CP: variants seen among roughly 807,000 people sequenced by gnomAD.
CP encodes the protein caeruloplasmin.
Under a neutral mutation model 122.4 loss-of-function variants are expected in CP, and 64 were observed. That is an observed-to-expected ratio of 0.52 (90% CI 0.43 to 0.64). The LOEUF is 0.64. Among genes scored for constraint, CP ranks in the 30% least tolerant of loss-of-function variants. The pLI, the probability that CP is intolerant of heterozygous loss-of-function variation, is 0.00. For missense variants in CP, 1,167 were observed against 1,284.4 expected (o/e 0.91, Z 1.40); for synonymous variants, 440 against 436.4 (o/e 1.01, Z -0.10).
intron 1 of CP, among the ~76,000 whole-genome samples, chr3:149,216,391 C>A (rs757780039): frequency 6.6e-6 from 1 of 152,142 alleles, no homozygotes; most frequent in Admixed American, 6.5e-5. Flanking sequence ...GGCTATGGGC[C>A]GAGAGCCTCT....
intron 14 of CP, among the ~76,000 whole-genome samples, chr3:149,181,297 G>A (rs1045965099): frequency 3.9e-5 from 6 of 152,062 alleles, no homozygotes; most frequent in Middle Eastern, 3.4e-3. Context: ...TCCTGTCTTC[G>A]GGGCCTAGAA....
intron 2 of CP, among the ~76,000 whole-genome samples, chr3:149,211,662 A>G (rs1408244981): frequency 6.6e-6 from 1 of 152,248 alleles, no homozygotes; most frequent in East Asian, 1.9e-4. Context: ...ACATGAGACT[A>G]CTTATGCCAC....
intron 1 of CP, among the ~76,000 whole-genome samples, chr3:149,213,886 T>C (rs1728280295): frequency 6.6e-6 from 1 of 152,152 alleles, no homozygotes; most frequent in Non-Finnish European, 1.5e-5. Flanking sequence ...AATTTAAAGA[T>C]GTGGTTTTTC....
rs773531557 is a variant in CP at position 149,199,719 on chromosome 3, C to T, written c.1494G>A (p.Gln498=). Reference sequence around the variant, plus strand: ...ACAGTGCTGTATACTCACTTCTGCTCTGGGGGTTGTAATTTGGGGAATAGT... The same window carrying T: ...ACAGTGCTGTATACTCACTTCTGCTTTGGGGGTTGTAATTTGGGGAATAGT... ...GTYYSPNYNP[Q]SRSVPPSASH... Residue 498 remains glutamine (Q), a synonymous_variant, in exon 8 of 19, where the codon CAG becomes CAA. Coordinates refer to ENST00000264613, the MANE Select transcript of CP (RefSeq NM_000096.4). 2 of 1,614,080 alleles carry T rather than the reference C, an allele frequency of 1.2e-6. No homozygotes were observed. Among genetic ancestry groups the T allele is most frequent in the East Asian group, 2.2e-5 (1 of 44,874 alleles).
intron 1 of CP, among the ~76,000 whole-genome samples, chr3:149,219,442 C>G (rs1017461538): frequency 1.2e-4 from 18 of 152,088 alleles, no homozygotes; most frequent in African/African-American, 4.3e-4. Context: ...ATGTGGTTTC[C>G]CCCATATTGT....
chr3:149,206,217 GA>G lies in CP; in HGVS notation c.1158del (p.Ser388LeufsTer3). 3.1e-6 allele frequency: 5 copies of G among 1,613,944 alleles called. No homozygotes were observed. Among genetic ancestry groups the G allele is most frequent in the Non-Finnish European group, 4.2e-6 (5 of 1,179,886 alleles). On this transcript the variant is annotated frameshift_variant, in exon 6 of 19. Coordinates refer to ENST00000264613, the MANE Select transcript of CP (RefSeq NM_000096.4). LOFTEE classifies it high-confidence loss of function. ...TTAGTGAAGATGTCTATACCAGAGG[GA>G]GCATAGTTCCAGATGATTTCCTCAG... ...IAAEEIIWNY[A>X]PSGIDIFTKE...
At chr3:149,186,199 G>A in intron 11 of CP, 1 of 392,454 alleles carries the variant, frequency 2.5e-6, no homozygotes, top group Non-Finnish European at 4.8e-6. Flanking sequence ...ATTTATGGGA[G>A]TCATTCCCCT....
Position 149,202,150 on chromosome 3 carries a change from T to C in CP, c.1300A>G (p.Thr434Ala). 1 of 1,614,156 alleles carries C rather than the reference T, an allele frequency of 6.2e-7. No individual in the cohort carries two copies. Residue 434 changes from threonine (T) to alanine (A), a missense_variant, in exon 7 of 19, where the codon ACA becomes GCA. By Grantham distance (58) the Thr-to-Ala change is moderately conservative. Transcript: ENST00000264613. ...TCAGGGCCTCTCTCCTTTCGATTTG[T>C]GAAGGAGGCATCTGTGTACTCACGA... ...VYREYTDASF[T>A]NRKERGPEEE...
intron 9 of CP, among the ~76,000 whole-genome samples, chr3:149,192,331 T>C (rs1376139684): frequency 1.3e-5 from 2 of 151,992 alleles, no homozygotes; most frequent in African/African-American, 2.4e-5. Context: ...GCTCAGATAA[T>C]CTAATAGTTG....
intron 12 of CP, among the ~76,000 whole-genome samples, chr3:149,183,997 C>CTTTTCCCAG (rs1191467607): frequency 3.8e-5 from 4 of 104,602 alleles, no homozygotes; most frequent in African/African-American, 1.4e-4. Context: ...AAATGGACAT[C>CTTTTCCCAG]TTTTCCCAGG....
intron 14 of CP, 130 bp from the exon 15 acceptor site, chr3:149,179,792 ATTAG>A (rs1725663438): frequency 4.4e-6 from 3 of 682,990 alleles, no homozygotes; most frequent in Non-Finnish European, 7.7e-6. Flanking sequence ...TGTCAGTGTA[ATTAG>A]TTTTTAAAAA....
rs760647222 is a variant in CP, at chr3:149,167,210, T to C, written c.587-1160A>G. Reference sequence around the variant, plus strand: ...GATGCCCGGAGGCAGTCATTCCATATGCTAATCATGAACTGAAAGAAGAGA... The same window carrying C: ...GATGCCCGGAGGCAGTCATTCCATACGCTAATCATGAACTGAAAGAAGAGA... On this transcript the variant is annotated intron_variant, in intron 4 of 5. Coordinates refer to the CP transcript ENST00000479771. 2.5e-6 allele frequency: 4 copies of C among 1,613,678 alleles called. No individual in the cohort carries two copies. Among genetic ancestry groups the C allele is most frequent in the Admixed American group, 3.3e-5 (2 of 59,944 alleles).
In CP at chr3:149,207,531, T is replaced by C; in HGVS notation, c.868A>G (p.Asn290Asp). 6.2e-7 allele frequency: 1 copy of C among 1,614,014 alleles called. No individual in the cohort carries two copies. The highest frequency in any genetic ancestry group is 1.7e-4 in the Middle Eastern group (1 of 6,060). The change falls in exon 5 of 19, where the codon AAT becomes GAT. Residue 290 changes from asparagine to aspartate, a missense_variant. Coordinates refer to ENST00000264613, the MANE Select transcript of CP (RefSeq NM_000096.4). ...RVKWYLFGMGNEVDVHAAFFH... is the reference protein window; with the variant it reads ...RVKWYLFGMGDEVDVHAAFFH... ...AAAGCTGCGTGCACATCAACTTCATTACCCATACCAAAAAGGTACCATTTT... is the reference window on the plus strand; with the variant it reads ...AAAGCTGCGTGCACATCAACTTCATCACCCATACCAAAAAGGTACCATTTT...
Position 149,178,464 on chromosome 3 carries a change from C to T in CP, c.2829G>A (p.Glu943=), listed in dbSNP as rs754919778. ...ATTCCTCATCATCTTTGTTTACTTTCTCGGGGTGATCAGAGTATGTTTTGA... is the reference window on the plus strand; with the variant it reads ...ATTCCTCATCATCTTTGTTTACTTTTTCGGGGTGATCAGAGTATGTTTTGA... ...DNIKTYSDHP[E]KVNKDDEEFI... Residue 943 remains glutamate (E), a synonymous_variant, in exon 16 of 19, where the codon GAG becomes GAA. Transcript: ENST00000264613. 6.2e-7 allele frequency: 1 copy of T among 1,613,292 alleles called. No individual in the cohort carries two copies. The highest frequency in any genetic ancestry group is 1.3e-5 in the African/African-American group (1 of 74,958).
At chr3:149,196,174 G>A (rs1356800644) in intron 9 of CP, among the ~76,000 whole-genome samples, 2 of 152,174 alleles carry the variant, frequency 1.3e-5, no homozygotes, top group African/African-American at 4.8e-5. Flanking sequence ...TTGTGATTCT[G>A]AGACTGTTGT....
Position 149,198,374 on chromosome 3 carries a change from C to A in CP, c.1706G>T (p.Gly569Val). 1 of 1,613,814 alleles carries A rather than the reference C, an allele frequency of 6.2e-7. No individual in the cohort carries two copies. Among genetic ancestry groups the A allele is most frequent in the Non-Finnish European group, 8.5e-7 (1 of 1,179,732 alleles). ...ICKKGSLHAN[G>V]RQKDVDKEFY... ...TTCCCCAGTTGGACTTACCTGTCTC[C>A]CATTTGCATGTAAACTTCCTTTCTT... The change falls in exon 9 of 19, where the codon GGG (glycine) becomes GTG (valine). Residue 569 changes from glycine to valine, a missense_variant. By Grantham distance (109) the Gly-to-Val change is moderately radical. Around this residue, in one of 2 missense-constraint regions of CP, gnomAD observed 525 missense variants for 657.2 expected, o/e 0.80. Coordinates refer to ENST00000264613, the MANE Select transcript of CP (RefSeq NM_000096.4).
At position 149,210,259 on chromosome 3, in the gene CP, C is replaced by T. The variant is rs1728020152; in HGVS notation, c.515G>A (p.Gly172Asp). 1.2e-6 allele frequency: 2 copies of T among 1,614,064 alleles called. No individual in the cohort carries two copies. Among genetic ancestry groups the T allele is most frequent in the Non-Finnish European group, 1.7e-6 (2 of 1,179,956 alleles). The change falls in exon 3 of 19, where the codon GGC (glycine) becomes GAC (aspartate). Residue 172 changes from glycine (G) to aspartate (D), a missense_variant. Gly to Asp is a moderately conservative substitution (Grantham distance 94). This residue lies in a region of CP where 642 missense variants were observed against 627.3 expected (regional missense o/e 1.02). Transcript: ENST00000264613. ...TEEQSPGEGD[G>D]NCVTRIYHSH... is the part of the protein sequence containing the mutation. ...ATGGTAAATCCTAGTCACACAATTG[C>T]CATCTCCTTCCCCAGGACTTTGTTC...
chr3:149,173,932 T>C (rs923655866), intron 18 of CP, among the ~76,000 whole-genome samples: 6 of 152,204 alleles, frequency 3.9e-5, no homozygotes. Context: ...CTACAAGATC[T>C]TTATTAATTG....
At chr3:149,203,418 C>G (rs537836562) in intron 6 of CP, among the ~76,000 whole-genome samples, 1 of 152,228 alleles carries the variant, frequency 6.6e-6, no homozygotes, top group African/African-American at 2.4e-5. Context: ...CATATGCCAC[C>G]ATGCTCAGCT....
Sources: gnomAD v4.1 joint callset for allele counts (sites outside exome capture counted in the v4.1 genomes callset) on GRCh38, gnomAD v4.1.1 for gene constraint, gnomAD v4.1.1 regional missense constraint, MANE v1.5 for transcripts, NCBI Gene and HGNC (gene_info 2026-07-23, HGNC 2026-07-21) for gene names.